Variants in CLYBL observed in about 807,000 individuals in gnomAD.
The protein encoded by CLYBL is citramalyl-CoA lyase.
In CLYBL, 31 loss-of-function variants were observed where a neutral mutation model predicts 38.9. The observed-to-expected ratio is 0.80, with a 90% CI of 0.60 to 1.08. CLYBL has a LOEUF of 1.08. CLYBL is among the 50% of genes least tolerant of loss of function. CLYBL has a pLI of 0.00. For missense variants in CLYBL, 434 were observed against 411.6 expected, an observed-to-expected ratio of 1.05 and a Z score of -0.47; for synonymous variants, 171 against 158.6, an observed-to-expected ratio of 1.08 and a Z score of -0.59.
At chr13:99,875,732 C>G (rs754300501) in intron 7 of CLYBL, among the ~76,000 whole-genome samples, 33 of 152,216 alleles carry the variant, frequency 2.2e-4, no homozygotes, top group Non-Finnish European at 4.6e-4. Flanking sequence ...CCACACCCAT[C>G]CAGCCCACGA....
intron 1 of CLYBL, among the ~76,000 whole-genome samples, chr13:99,719,754 C>T (rs117244228): frequency 6.6e-6 from 1 of 152,186 alleles, no homozygotes; most frequent in East Asian, 1.9e-4. Flanking sequence ...ACAAGCCACC[C>T]ACCTCAGCCC....
intron 2 of CLYBL, among the ~76,000 whole-genome samples, chr13:99,773,485 C>G (rs960072017): frequency 1.3e-5 from 2 of 152,134 alleles, no homozygotes; most frequent in African/African-American, 4.8e-5. Flanking sequence ...AGGAGCACGA[C>G]CCTGTTGTGA....
At chr13:99,812,637 A>G (rs2050364904) in intron 2 of CLYBL, among the ~76,000 whole-genome samples, 1 of 152,266 alleles carries the variant, frequency 6.6e-6, no homozygotes, top group African/African-American at 2.4e-5. Context: ...ATAAAGGACC[A>G]GGGAGCAAGA....
chr13:99,860,733 C>T (rs1288560059), intron 3 of CLYBL, among the ~76,000 whole-genome samples: 2 of 152,350 alleles, frequency 1.3e-5, no homozygotes, highest in Non-Finnish European at 2.9e-5. Flanking sequence ...TTCTAGTTAA[C>T]AGAAGTCCTT....
At chr13:99,687,016 A>G (rs2047827651) in intron 1 of CLYBL, among the ~76,000 whole-genome samples, 1 of 152,176 alleles carries the variant, frequency 6.6e-6, no homozygotes, top group Admixed American at 6.5e-5. Context: ...AATAGCTCCA[A>G]GGGTCACTTG....
chr13:99,851,387 A>G (rs1323982425), intron 2 of CLYBL, among the ~76,000 whole-genome samples: 1 of 151,854 alleles, frequency 6.6e-6, no homozygotes, highest in Non-Finnish European at 1.5e-5. Flanking sequence ...AAAAAAAAAA[A>G]AAAGGTTTGG....
At chr13:99,878,894 C>T (rs999162494) in intron 7 of CLYBL, among the ~76,000 whole-genome samples, 3 of 152,164 alleles carry the variant, frequency 2.0e-5, no homozygotes, top group Non-Finnish European at 1.5e-5. Context: ...ATCTTGCCAT[C>T]TACATGTTTA....
At chr13:99,723,968 C>T (rs1284227092) in intron 1 of CLYBL, among the ~76,000 whole-genome samples, 2 of 152,104 alleles carry the variant, frequency 1.3e-5, no homozygotes, top group Non-Finnish European at 2.9e-5. Flanking sequence ...CTTGGCTGTC[C>T]TCACCATTGT....
At chr13:99,738,907 G>C (rs1314427699) in intron 1 of CLYBL, among the ~76,000 whole-genome samples, 1 of 152,148 alleles carries the variant, frequency 6.6e-6, no homozygotes, top group Non-Finnish European at 1.5e-5. Flanking sequence ...TGACTCTCGT[G>C]CTGTTAACAG....
At chr13:99,659,972 A>G (rs559342792) in intron 1 of CLYBL, among the ~76,000 whole-genome samples, 2 of 152,288 alleles carry the variant, frequency 1.3e-5, no homozygotes, top group South Asian at 2.1e-4. Context: ...TAATAAGGCC[A>G]CACACGCATT....
At chr13:99,887,834 A>T (rs1291357192) in intron 7 of CLYBL, among the ~76,000 whole-genome samples, 1 of 148,278 alleles carries the variant, frequency 6.7e-6, no homozygotes, top group Non-Finnish European at 1.5e-5. Context: ...TGTCTTATAG[A>T]TACAGAGTTT....
chr13:99,815,949 G>A (rs1385515837), intron 2 of CLYBL, among the ~76,000 whole-genome samples: 1 of 152,126 alleles, frequency 6.6e-6, no homozygotes, highest in Non-Finnish European at 1.5e-5. Context: ...TATCAGCAGA[G>A]CAGCCTGGCT....
chr13:99,801,307 T>G (rs9585226), intron 2 of CLYBL, among the ~76,000 whole-genome samples: 1,726 of 152,364 alleles, frequency 0.011, 27 homozygotes, highest in African/African-American at 0.04. Flanking sequence ...AAATACAGTT[T>G]GTAATATTAA....
chr13:99,885,485 T>C (rs1165804266), intron 7 of CLYBL, among the ~76,000 whole-genome samples: 1 of 152,096 alleles, frequency 6.6e-6, no homozygotes, highest in Non-Finnish European at 1.5e-5. Flanking sequence ...ATTCTGCAAG[T>C]CCAAAGAAAA....
chr13:99,609,169 GTTTTTTTTT>G (rs58873910), intron 1 of CLYBL, among the ~76,000 whole-genome samples: 4 of 45,780 alleles, frequency 8.7e-5, no homozygotes, highest in African/African-American at 3.8e-4. Context: ...ACCTGTCTTT[GTTTTTTTTT>G]TTTTTTTTTT....
chr13:99,894,983 C>T (rs538575505), downstream of CLYBL: 19 of 152,326 alleles, frequency 1.2e-4, no homozygotes, highest in African/African-American at 4.1e-4. Context: ...CTCCCCTCCT[C>T]TCCTCCAGGG....
At chr13:99,700,458 A>G (rs1417318391) in intron 1 of CLYBL, among the ~76,000 whole-genome samples, 2 of 152,110 alleles carry the variant, frequency 1.3e-5, no homozygotes, top group African/African-American at 4.8e-5. Context: ...ACAAAACAAA[A>G]CAAAACAACA....
At chr13:99,702,867 C>T (rs983585931) in intron 1 of CLYBL, among the ~76,000 whole-genome samples, 8 of 152,196 alleles carry the variant, frequency 5.3e-5, no homozygotes, top group East Asian at 1.9e-4. Flanking sequence ...TGCTCTGCTA[C>T]ATAAGAAGCT....
intron 1 of CLYBL, among the ~76,000 whole-genome samples, chr13:99,663,145 C>T (rs147626412): frequency 6.6e-6 from 1 of 152,176 alleles, no homozygotes; most frequent in South Asian, 2.1e-4. Context: ...TCTCTTAGCT[C>T]GTAGTGAGCT....
Sources: allele counts gnomAD v4.1 joint callset (sites outside exome capture counted in the v4.1 genomes callset), GRCh38; gene constraint gnomAD v4.1.1; transcripts MANE v1.5; gene names NCBI Gene and HGNC (gene_info 2026-07-23, HGNC 2026-07-21).